CIB1: variants seen among roughly 807,000 people sequenced by gnomAD.
CIB1 encodes calcium and integrin-binding protein 1.
In CIB1, 19 loss-of-function variants were observed where a neutral mutation model predicts 25.0. The observed-to-expected ratio is 0.76, with a 90% CI of 0.53 to 1.12. The LOEUF is 1.12. Ranked by LOEUF, CIB1 falls within the 50% of genes most tolerant of loss-of-function variation. The pLI is 0.00. For synonymous variants in CIB1, 104 were observed against 98.5 expected, an observed-to-expected ratio of 1.06 and a Z score of -0.33; for missense variants, 236 against 242.6, an observed-to-expected ratio of 0.97 and a Z score of 0.18.
the CIB1 span, chr15:90,264,601 A>T: frequency 8.6e-7 from 1 of 1,160,230 alleles, no homozygotes; most frequent in Non-Finnish European, 1.2e-6. Context: ...TGGGAAAGAC[A>T]GTGGAGGGAA....
chr15:90,264,657 G>C, the CIB1 span: 1 of 1,507,068 alleles, frequency 6.6e-7, no homozygotes, highest in Non-Finnish European at 8.8e-7. Flanking sequence ...CCACAGTTGG[G>C]AAAGAGGTGA....
At chr15:90,247,774 C>T in the CIB1 span, among the ~76,000 whole-genome samples, 1 of 150,606 alleles carries the variant, frequency 6.6e-6, no homozygotes, top group Non-Finnish European at 1.5e-5. Context: ...CTCCCTCTGT[C>T]GCCCAGGCTG....
In CIB1 at chr15:90,230,151, C is replaced by T; in HGVS notation, c.*333G>A. On this transcript the variant is annotated 3_prime_UTR_variant, in exon 7 of 7. Transcript: ENST00000328649. ...GGGTGCGGCTTGACTTCCCGCTGGCCTCTGCTCGATATGCTGCTTATTCCT... is the reference window on the plus strand; with the variant it reads ...GGGTGCGGCTTGACTTCCCGCTGGCTTCTGCTCGATATGCTGCTTATTCCT... 1 of 358,422 alleles carries T rather than the reference C, an allele frequency of 2.8e-6. No individual in the cohort carries two copies. The highest frequency in any genetic ancestry group is 3.3e-5 in the South Asian group (1 of 29,876). The allele number at this position is 358,422 out of a possible 1,614,324, so 22.2% of individuals were successfully genotyped here.
chr15:90,241,391 C>T, the CIB1 span: 3 of 1,613,866 alleles, frequency 1.9e-6, no homozygotes, highest in Non-Finnish European at 1.7e-6. Context: ...ACGTCAGCCC[C>T]CTGGAGTGGG....
the CIB1 span, among the ~76,000 whole-genome samples, chr15:90,256,626 CTTCCTTCCTTCCTTCTTTCT>C: frequency 5.0e-5 from 4 of 80,118 alleles, no homozygotes; most frequent in African/African-American, 8.8e-5. Flanking sequence ...TCCTTCCTTC[CTTCCTTCCTTCCTTCTTTCT>C]TTCTCCCTTT....
At chr15:90,256,576 T>TC in the CIB1 span, among the ~76,000 whole-genome samples, 106 of 30,822 alleles carry the variant, frequency 3.4e-3, no homozygotes, top group African/African-American at 0.012. Flanking sequence ...TTTCTTTCTT[T>TC]CTTTCTTTCT....
Position 90,231,380 on chromosome 15 carries a change from G to T in CIB1, c.323C>A (p.Ser108Tyr). 6.2e-7 allele frequency: 1 copy of T among 1,614,202 alleles called. No homozygotes were observed. Among genetic ancestry groups the T allele is most frequent in the South Asian group, 1.1e-5 (1 of 91,086 alleles). ...FSDTATPDIK[S>Y]HYAFRIFDFD... ...ACCAAAGATGCGGAAGGCATAATGG[G>T]ACTTGATGTCTGGCGTGGCTGTGTC... The change falls in exon 4 of 7, where the codon TCC (serine) becomes TAC (tyrosine). Residue 108 changes from serine (S) to tyrosine (Y), a missense_variant. Transcript: ENST00000328649.
the CIB1 span, among the ~76,000 whole-genome samples, chr15:90,248,973 G>A: frequency 6.6e-6 from 1 of 152,016 alleles, no homozygotes; most frequent in Admixed American, 6.6e-5. Context: ...TCCACCAGAG[G>A]CAAAGCCTTG....
the CIB1 span, chr15:90,256,265 G>T: frequency 4.3e-6 from 7 of 1,614,206 alleles, no homozygotes; most frequent in South Asian, 7.7e-5. Context: ...CAAGCCAGGA[G>T]AGCATATGAT....
chr15:90,256,336 C>T, the CIB1 span: 5 of 1,612,696 alleles, frequency 3.1e-6, no homozygotes, highest in Non-Finnish European at 4.2e-6. Flanking sequence ...TCCCTAGTCC[C>T]CAGCACTGGG....
At chr15:90,254,857 A>G in the CIB1 span, among the ~76,000 whole-genome samples, 91 of 142,704 alleles carry the variant, frequency 6.4e-4, 1 homozygote, top group African/African-American at 2.5e-3. Flanking sequence ...GGGAAGGGGG[A>G]AAAAAAAAGG....
At chr15:90,248,612 C>T in the CIB1 span, among the ~76,000 whole-genome samples, 15 of 150,624 alleles carry the variant, frequency 1.0e-4, no homozygotes, top group East Asian at 1.2e-3. Context: ...CTACTTGGGA[C>T]GCTGAAGTGG....
chr15:90,263,577 G>A, the CIB1 span: 1 of 567,454 alleles, frequency 1.8e-6, no homozygotes, highest in Admixed American at 3.0e-5. Flanking sequence ...TCCCTGGGCT[G>A]GTAGCAAACC....
At chr15:90,257,685 G>A in the CIB1 span, 16 of 1,614,202 alleles carry the variant, frequency 9.9e-6, no homozygotes, top group African/African-American at 1.2e-4. Flanking sequence ...CAAACACAAT[G>A]AGAATTTTGT....
At chr15:90,231,968 C>A (rs1466946170) in intron 3 of CIB1, among the ~76,000 whole-genome samples, 1 of 152,250 alleles carries the variant, frequency 6.6e-6, no homozygotes, top group African/African-American at 2.4e-5. Flanking sequence ...CTCAACTCCT[C>A]TTAAGGGACA....
At chr15:90,241,149 C>T in the CIB1 span, 22 of 1,614,146 alleles carry the variant, frequency 1.4e-5, no homozygotes, top group Middle Eastern at 4.9e-4. Context: ...CTACCGTCTA[C>T]GGGAGCTACA....
the CIB1 span, chr15:90,261,875 T>C: frequency 2.9e-6 from 2 of 685,160 alleles, no homozygotes; most frequent in East Asian, 5.9e-5. Context: ...CTTGGCAGCT[T>C]TCCCTACTTG....
At chr15:90,252,145 T>C in the CIB1 span, among the ~76,000 whole-genome samples, 1 of 151,544 alleles carries the variant, frequency 6.6e-6, no homozygotes, top group Non-Finnish European at 1.5e-5. Context: ...GTTCAAGCGA[T>C]TCTCCTGCCT....
At chr15:90,250,721 A>G in the CIB1 span, 1 of 1,614,180 alleles carries the variant, frequency 6.2e-7, no homozygotes, top group Non-Finnish European at 8.5e-7. Flanking sequence ...GGGAGTTACC[A>G]ACCCCTCTAA....
Sources: allele counts gnomAD v4.1 joint callset (sites outside exome capture counted in the v4.1 genomes callset), GRCh38; gene constraint gnomAD v4.1.1; transcripts MANE v1.5; gene names NCBI Gene and HGNC (gene_info 2026-07-23, HGNC 2026-07-21).